The following C12orf76 variants were observed in gnomAD, a reference collection of about 807,000 sequenced individuals.
C12orf76 encodes the protein chromosome 12 open reading frame 76.
Under a neutral mutation model 6.8 loss-of-function variants are expected in C12orf76, and 6 were observed. The ratio of observed to expected loss-of-function variants is 0.88; its 90% CI spans 0.48 to 1.73. C12orf76 has a LOEUF of 1.73. Among genes scored for constraint, C12orf76 ranks in the 40% most tolerant of loss-of-function variants. The pLI is 0.01. For synonymous variants in C12orf76, 56 were observed against 43.7 expected, an observed-to-expected ratio of 1.28 and a Z score of -1.11; for missense variants, 99 against 98.2, an observed-to-expected ratio of 1.01 and a Z score of -0.03.
intron 1 of C12orf76, 27 bp from the exon 2 acceptor site, chr12:110,042,486 T>TG (rs753073008): frequency 1.4e-6 from 2 of 1,466,082 alleles, no homozygotes; most frequent in Non-Finnish European, 1.9e-6. Flanking sequence ...GGTTACTTCC[T>TG]AATGGCAGCT....
intron 2 of C12orf76, among the ~76,000 whole-genome samples, chr12:110,060,306 A>C (rs1566077615): frequency 6.6e-6 from 1 of 152,152 alleles, no homozygotes; most frequent in Non-Finnish European, 1.5e-5. Flanking sequence ...CCCCTGAAAG[A>C]GTGAGTCATC....
intron 1 of C12orf76, 71 bp downstream of exon 1, chr12:110,048,292 C>A: frequency 7.0e-7 from 1 of 1,430,988 alleles, no homozygotes. Flanking sequence ...TCCGTACATG[C>A]CCGGCTCCAG....
At chr12:110,066,412 G>T (rs547289321) in intron 1 of C12orf76, among the ~76,000 whole-genome samples, 1 of 145,280 alleles carries the variant, frequency 6.9e-6, no homozygotes. Flanking sequence ...AAACGGCTGG[G>T]CGCGGTGGCT....
At chr12:110,051,219 G>T, upstream of C12orf76, 1 of 771,098 alleles carries the variant, frequency 1.3e-6, no homozygotes. Context: ...AGTGGGGTGG[G>T]AGGCAGGCTC....
intron 1 of C12orf76, among the ~76,000 whole-genome samples, chr12:110,045,291 A>C (rs1892420086): frequency 6.6e-6 from 1 of 152,240 alleles, no homozygotes; most frequent in South Asian, 2.1e-4. Flanking sequence ...GAAGAACTCC[A>C]AAAAAAATTT....
intron 1 of C12orf76, among the ~76,000 whole-genome samples, chr12:110,066,236 G>A (rs1392906436): frequency 6.6e-6 from 1 of 151,646 alleles, no homozygotes; most frequent in Non-Finnish European, 1.5e-5. Context: ...GCCTGGTGTG[G>A]TGGCACACGC....
chr12:110,063,907 A>AAAAC (rs1355153274), intron 2 of C12orf76, among the ~76,000 whole-genome samples: 9 of 152,090 alleles, frequency 5.9e-5, no homozygotes, highest in African/African-American at 1.9e-4. Context: ...ACTCTGTCTC[A>AAAAC]AAACAAACAA....
chr12:110,043,067 CA>C (rs1173406934), intron 1 of C12orf76, among the ~76,000 whole-genome samples: 22 of 139,556 alleles, frequency 1.6e-4, no homozygotes, highest in South Asian at 2.3e-4. Context: ...AACTCCACCT[CA>C]AAAAAAAAAA....
chr12:110,043,373 GAAA>G (rs61073586), intron 1 of C12orf76, among the ~76,000 whole-genome samples: 1 of 145,158 alleles, frequency 6.9e-6, no homozygotes, highest in African/African-American at 2.5e-5. Flanking sequence ...GATTTAGTCG[GAAA>G]AAAAAAAAAA....
At chr12:110,073,305 C>CA in intron 1 of C12orf76, 1 of 447,406 alleles carries the variant, frequency 2.2e-6, no homozygotes, top group Admixed American at 2.4e-5. Flanking sequence ...GCTGTGAAAG[C>CA]ACGTCCAAAT....
At chr12:110,058,859 T>A in intron 3 of C12orf76, 1 of 1,091,408 alleles carries the variant, frequency 9.2e-7, no homozygotes, top group Admixed American at 3.0e-5. Flanking sequence ...CCCTAATATG[T>A]CCTTACCATG....
intron 4 of C12orf76, among the ~76,000 whole-genome samples, chr12:110,055,278 A>T (rs1332090113): frequency 6.8e-6 from 1 of 147,266 alleles, no homozygotes; most frequent in African/African-American, 2.5e-5. Context: ...CAGTGGCACT[A>T]TCTCTGCTCA....
chr12:110,052,924 T>C (rs775936003), upstream of C12orf76, among the ~76,000 whole-genome samples: 15 of 152,286 alleles, frequency 9.8e-5, no homozygotes, highest in East Asian at 5.8e-4. Flanking sequence ...AGTTCATGGC[T>C]GGGCGCAGTG....
exon 2 of C12orf76, chr12:110,065,969 T>C: frequency 6.2e-7 from 1 of 1,613,172 alleles, no homozygotes; most frequent in Non-Finnish European, 8.5e-7. Context: ...TCTCCTTCTA[T>C]GGGGTCACCT....
At chr12:110,068,318 A>AGAAGAAGAG (rs1566080270), upstream of C12orf76, among the ~76,000 whole-genome samples, 6 of 142,588 alleles carry the variant, frequency 4.2e-5, no homozygotes, top group Non-Finnish European at 9.5e-5. Flanking sequence ...AAGAAGAAGA[A>AGAAGAAGAG]GAAGAAGAAG....
chr12:110,046,946 T>C (rs921776547), intron 1 of C12orf76, among the ~76,000 whole-genome samples: 1 of 151,974 alleles, frequency 6.6e-6, no homozygotes, highest in African/African-American at 2.4e-5. Context: ...TTATCCAACA[T>C]GTCGTAATAT....
chr12:110,051,065 C>A (rs187583547), upstream of C12orf76: 1 of 780,252 alleles, frequency 1.3e-6, no homozygotes, highest in African/African-American at 1.7e-5. Flanking sequence ...TCTTTCTCCA[C>A]GATCTCCTCT....
rs1180285532 is a variant in C12orf76, at chr12:110,048,482, G to C, written c.14C>G (p.Ala5Gly). 6.9e-6 allele frequency: 10 copies of C among 1,450,456 alleles called. No homozygotes were observed. In the East Asian group the frequency reaches 2.8e-4, roughly 41 times the overall value. The allele number at this position is 1,450,456 out of a possible 1,614,324, so 89.8% of individuals were successfully genotyped here. Residue 5 changes from alanine (A) to glycine (G), a missense_variant, in exon 1 of 2, where the codon GCG (alanine) becomes GGG (glycine). Coordinates refer to ENST00000615315, the MANE Select transcript of C12orf76 (RefSeq NM_001389625.1). ...GAGGCCAAGGTACAGCCACGGTAACGCTGGACGCAGCATCTTCCCCAGCCC... is the reference window on the plus strand; with the variant it reads ...GAGGCCAAGGTACAGCCACGGTAACCCTGGACGCAGCATCTTCCCCAGCCC... MLRP[A>G]LPWLYLGLCS...
chr12:110,068,333 C>T (rs1968182), upstream of C12orf76, among the ~76,000 whole-genome samples: 32 of 106,942 alleles, frequency 3.0e-4, no homozygotes, highest in Non-Finnish European at 5.8e-4. Flanking sequence ...AAGAAGAAGG[C>T]GGCCAAATAG....
Sources: gnomAD v4.1 joint callset for allele counts (sites outside exome capture counted in the v4.1 genomes callset) on GRCh38, gnomAD v4.1.1 for gene constraint, MANE v1.5 for transcripts, NCBI Gene and HGNC (gene_info 2026-07-23, HGNC 2026-07-21) for gene names.